ECM2: variants seen among roughly 807,000 people sequenced by gnomAD.
The protein encoded by ECM2 is extracellular matrix protein 2.
ECM2 carries 57 observed loss-of-function variants against 67.5 expected under a neutral mutation model. The observed-to-expected ratio is 0.84, with a 90% CI of 0.68 to 1.05. The LOEUF (loss-of-function observed/expected upper bound fraction) is 1.05. Among genes scored for constraint, ECM2 ranks in the 50% least tolerant of loss-of-function variants. The pLI is 0.00. For missense variants in ECM2, 741 were observed against 822.8 expected (o/e 0.90, Z 1.22); for synonymous variants, 258 against 294.5 (o/e 0.88, Z 1.27).
the ECM2 span, among the ~76,000 whole-genome samples, chr9:92,546,645 G>A: frequency 6.6e-6 from 1 of 152,210 alleles, no homozygotes; most frequent in South Asian, 2.1e-4. Flanking sequence ...CTCTGGACAC[G>A]CTGCCTTTAA....
chr9:92,515,061 T>C lies in ECM2; in HGVS notation c.624A>G (p.Lys208=). The part of the protein sequence containing the change: ...PQVGMDRIVR[K]EALQSEEDEE... ...CATCCTCCTCAGATTGAAGTGCTTC[T>C]TTTCTTACTATTCGGTCCATTCCCA... The change falls in exon 4 of 10, where the codon AAA becomes AAG. Residue 208 remains lysine, a synonymous_variant. Transcript: ENST00000344604. The C allele has an allele frequency of 6.2e-7, 1 of 1,614,186 alleles. No homozygotes were observed.
intron 6 of ECM2, among the ~76,000 whole-genome samples, 162 bp from the exon 7 acceptor site, chr9:92,505,852 T>G (rs184204322): frequency 6.6e-6 from 1 of 152,302 alleles, no homozygotes; most frequent in East Asian, 1.9e-4. Context: ...TTAAGTACTT[T>G]GTACATCCCA....
intron 3 of ECM2, 50 bp from the exon 4 acceptor site, chr9:92,515,253 T>C: frequency 7.1e-7 from 1 of 1,416,926 alleles, no homozygotes; most frequent in South Asian, 1.9e-5. Flanking sequence ...ATGATATTAA[T>C]AAAAGAAAAA....
chr9:92,495,350 G>A lies in ECM2; in HGVS notation c.*965C>T, dbSNP rs1457967661. 5.2e-6 allele frequency: 5 copies of A among 952,850 alleles called. No homozygotes were observed. Among genetic ancestry groups the A allele is most frequent in the Non-Finnish European group, 6.2e-6 (5 of 800,614 alleles). The allele number at this position is 952,850 out of a possible 1,614,324, so 59.0% of individuals were successfully genotyped here. A position where few individuals can be genotyped will look rare whatever the true frequency, so the allele number is the denominator to read the frequency against. On this transcript the variant is annotated 3_prime_UTR_variant, in exon 10 of 10. Coordinates refer to ENST00000344604, the MANE Select transcript of ECM2 (RefSeq NM_001393.4). ...AAATTTTAATATATGATTTTGGTAG[G>A]GCCAATACATAGTAAAGACATAGCT...
chr9:92,516,941 C>T (rs1847763980), intron 3 of ECM2: 1 of 152,218 alleles, frequency 6.6e-6, no homozygotes, highest in African/African-American at 2.4e-5. Context: ...GAAGATGTCC[C>T]TATCCCTTCC....
chr9:92,521,495 T>C (rs1451433319), intron 2 of ECM2, among the ~76,000 whole-genome samples: 1 of 152,206 alleles, frequency 6.6e-6, no homozygotes, highest in East Asian at 1.9e-4. Flanking sequence ...ATGGAAATAA[T>C]TAACGAAGAA....
At chr9:92,533,126 G>A (rs1056309135) in intron 1 of ECM2, among the ~76,000 whole-genome samples, 9 of 150,002 alleles carry the variant, frequency 6.0e-5, no homozygotes, top group African/African-American at 9.8e-5. Context: ...GTGAAACCCC[G>A]TCTCTATTAA....
the ECM2 span, among the ~76,000 whole-genome samples, chr9:92,543,162 T>C: frequency 5.3e-5 from 8 of 152,176 alleles, no homozygotes; most frequent in Non-Finnish European, 1.0e-4. Flanking sequence ...TGCCTCCAAC[T>C]TTGTTTTCTT....
At chr9:92,541,672 A>T in the ECM2 span, among the ~76,000 whole-genome samples, 1 of 151,720 alleles carries the variant, frequency 6.6e-6, no homozygotes, top group East Asian at 1.9e-4. Context: ...TTCCTTTCAT[A>T]TATACATTTT....
At chr9:92,551,965 TGTG>T in the ECM2 span, among the ~76,000 whole-genome samples, 1 of 101,418 alleles carries the variant, frequency 9.9e-6, no homozygotes, top group African/African-American at 5.5e-5. Flanking sequence ...TATATATATG[TGTG>T]ATATATATGT....
chr9:92,546,820 A>G, the ECM2 span, among the ~76,000 whole-genome samples: 22 of 152,348 alleles, frequency 1.4e-4, no homozygotes, highest in Non-Finnish European at 2.6e-4. Context: ...AATTGTCACA[A>G]GAAGAATCAG....
At chr9:92,554,398 G>A in the ECM2 span, among the ~76,000 whole-genome samples, 1 of 152,090 alleles carries the variant, frequency 6.6e-6, no homozygotes, top group African/African-American at 2.4e-5. Flanking sequence ...GGTCAGGCTG[G>A]TCTTGAACTC....
chr9:92,515,915 G>C (rs1219958816), intron 3 of ECM2, among the ~76,000 whole-genome samples: 2 of 152,134 alleles, frequency 1.3e-5, no homozygotes, highest in Non-Finnish European at 2.9e-5. Context: ...ATGATGGTGG[G>C]AGTAGAATAG....
In ECM2 at chr9:92,512,094, A is replaced by G; in HGVS notation, c.1087T>C (p.Phe363Leu). ...CTTTCCAAATTTGGTAATCCATTAA[A>G]TGCTTCATCTGGGATGGAGGCGATG... Reference protein sequence around the residue: ...NSIASIPDEAFNGLPNLERLD... With the variant: ...NSIASIPDEALNGLPNLERLD... Residue 363 changes from phenylalanine to leucine, a missense_variant, in exon 5 of 10, where the codon TTT (phenylalanine) becomes CTT (leucine). Phe to Leu is a conservative substitution (Grantham distance 22). Coordinates refer to ENST00000344604, the MANE Select transcript of ECM2 (RefSeq NM_001393.4). 1 of 1,613,882 alleles carries G rather than the reference A, an allele frequency of 6.2e-7. No individual in the cohort carries two copies. Among genetic ancestry groups the G allele is most frequent in the South Asian group, 1.1e-5 (1 of 91,054 alleles).
Position 92,502,542 on chromosome 9 carries a change from C to G in ECM2, c.1575G>C (p.Arg525Ser). The G allele has an allele frequency of 6.2e-7, 1 of 1,612,760 alleles. No homozygotes were observed. Among genetic ancestry groups the G allele is most frequent in the South Asian group, 1.1e-5 (1 of 90,800 alleles). ...VLRYNKIEEN[R>S]IAPLAWINQE... is the part of the protein sequence containing the mutation. The stretch of plus-strand genomic sequence containing the variant: ...GATTTATCCAGGCTAAAGGAGCAAT[C>G]CTATTTTCTTCAATTTTGTTATAAC... The change falls in exon 8 of 10, where the codon AGG becomes AGC. Residue 525 changes from arginine to serine, a missense_variant. Transcript: ENST00000344604.
chr9:92,538,094 T>C (rs1373543353), upstream of ECM2, among the ~76,000 whole-genome samples: 3 of 152,156 alleles, frequency 2.0e-5, no homozygotes, highest in East Asian at 1.9e-4. Flanking sequence ...TAGGAACCCA[T>C]TGTAGAAACA....
At position 92,500,947 on chromosome 9, in the gene ECM2, T is replaced by G. The variant is rs764887308; in HGVS notation, c.1711A>C (p.Ile571Leu). 7 of 1,614,048 alleles carry G rather than the reference T, an allele frequency of 4.3e-6. No homozygotes were observed. In the South Asian group the frequency reaches 5.5e-5, roughly 13 times the overall value. ...LVLLGNQIERIPGYVFGHMEP... is the reference protein window; with the variant it reads ...LVLLGNQIERLPGYVFGHMEP... ...ATGTGGCCAAACACATAGCCAGGGA[T>G]CCGTTCAATCTGGTTCCCAAGGAGT... The change falls in exon 9 of 10, where the codon ATC (isoleucine) becomes CTC (leucine). Residue 571 changes from isoleucine to leucine, a missense_variant. By Grantham distance (5) the Ile-to-Leu change is conservative (BLOSUM62 2). Coordinates refer to ENST00000344604, the MANE Select transcript of ECM2 (RefSeq NM_001393.4).
chr9:92,530,703 T>C (rs1437087057), intron 1 of ECM2, among the ~76,000 whole-genome samples: 1 of 152,194 alleles, frequency 6.6e-6, no homozygotes, highest in Admixed American at 6.6e-5. Flanking sequence ...GCATTTTTTT[T>C]CTTTTTTGAC....
chr9:92,540,038 G>A (rs1481055157), upstream of ECM2, among the ~76,000 whole-genome samples: 1 of 152,168 alleles, frequency 6.6e-6, no homozygotes, highest in Non-Finnish European at 1.5e-5. Context: ...ATTTTTGAAT[G>A]GGTAATACAT....
Sources: gnomAD v4.1 joint callset for allele counts (sites outside exome capture counted in the v4.1 genomes callset) on GRCh38, gnomAD v4.1.1 for gene constraint, MANE v1.5 for transcripts, NCBI Gene and HGNC (gene_info 2026-07-23, HGNC 2026-07-21) for gene names.